DMD: variants seen among roughly 807,000 people sequenced by gnomAD.
DMD encodes the protein mutant dystrophin.
DMD carries 63 observed loss-of-function variants against 330.1 expected under a neutral mutation model. The ratio of observed to expected loss-of-function variants is 0.19; its 90% CI spans 0.16 to 0.24. The LOEUF (loss-of-function observed/expected upper bound fraction) is 0.24. Among genes scored for constraint, DMD ranks in the 10% least tolerant of loss-of-function variants. The pLI is 1.00. For synonymous variants in DMD, 1,223 were observed against 959.8 expected, an observed-to-expected ratio of 1.27 and a Z score of -5.07; for missense variants, 3,344 against 2,684.1, an observed-to-expected ratio of 1.25 and a Z score of -5.43.
intron 43 of DMD, among the ~76,000 whole-genome samples, chrX:32,265,378 G>A (rs2097340232): frequency 8.9e-6 from 1 of 112,674 alleles, no homozygotes; most frequent in South Asian, 3.6e-4. Context: ...GATTTCAGAG[G>A]ATATATGGAA....
intron 7 of DMD, among the ~76,000 whole-genome samples, chrX:32,781,746 G>A (rs188000344): frequency 9.0e-6 from 1 of 110,604 alleles, no homozygotes; most frequent in African/African-American, 3.3e-5. Flanking sequence ...ACATACATCC[G>A]CATACTAAGG....
At position 31,127,252 on chromosome X, in the gene DMD, G is replaced by GT. The variant is rs201518401; in HGVS notation, c.11015-580dup. Among the ~76,000 whole-genome samples the GT allele has an allele frequency of 7.7e-3, 861 of 112,136 alleles. 13 individuals are homozygous for GT. The highest frequency in any genetic ancestry group is 0.027 in the African/African-American group (823 of 30,918). Reference sequence around the variant, plus strand: ...CAGAAAGAACAGATGAGGGGAAGAGGTAAGTCCCAGTAATGGGCAAGCCAC... The same window carrying GT: ...CAGAAAGAACAGATGAGGGGAAGAGGTTAAGTCCCAGTAATGGGCAAGCCAC... On this transcript the variant is annotated intron_variant, in intron 77 of 78. Transcript: ENST00000357033.
chrX:32,412,282 G>C, intron 29 of DMD: 1 of 900,245 alleles, frequency 1.1e-6, no homozygotes, highest in South Asian at 2.1e-5. Flanking sequence ...GGTTTGCTTA[G>C]AATAGGGTCA....
chrX:32,494,060 A>G (rs1222133824), intron 19 of DMD, among the ~76,000 whole-genome samples: 2 of 111,764 alleles, frequency 1.8e-5, no homozygotes, highest in African/African-American at 6.5e-5. Context: ...AAATGAAACT[A>G]TAAGTTGATT....
At chrX:31,280,287 C>T in intron 62 of DMD, among the ~76,000 whole-genome samples, 1 of 112,048 alleles carries the variant, frequency 8.9e-6, no homozygotes, top group South Asian at 3.7e-4. Context: ...CAGTCTTATT[C>T]ATAATATCCT....
chrX:32,517,084 T>C (rs1201969134), intron 18 of DMD: 2 of 111,617 alleles, frequency 1.8e-5, no homozygotes, highest in Non-Finnish European at 3.8e-5. Flanking sequence ...AACATTAGCT[T>C]GTAACTGAGG....
chrX:32,646,829 A>C (rs891805343), intron 9 of DMD, among the ~76,000 whole-genome samples: 2 of 111,729 alleles, frequency 1.8e-5, no homozygotes, highest in Admixed American at 1.9e-4. Context: ...AGTTTCTATA[A>C]AAGTGGCAGA....
intron 1 of DMD, among the ~76,000 whole-genome samples, chrX:33,100,822 T>G (rs2095230731): frequency 8.9e-6 from 1 of 112,239 alleles, no homozygotes; most frequent in African/African-American, 3.2e-5. Flanking sequence ...ACTCCTGAAT[T>G]TGGATAGAAT....
chrX:32,887,548 G>C (rs1419647697), intron 2 of DMD, among the ~76,000 whole-genome samples: 2 of 105,943 alleles, frequency 1.9e-5, no homozygotes, highest in East Asian at 6.0e-4. Context: ...AGGGGTTTGA[G>C]ACCAGCCTGG....
chrX:31,415,332 C>T (rs1006523904), intron 60 of DMD, among the ~76,000 whole-genome samples: 10 of 112,351 alleles, frequency 8.9e-5, no homozygotes, highest in Non-Finnish European at 1.7e-4. Flanking sequence ...TTGCTCTGCA[C>T]GGATAGTATT....
chrX:33,211,606 A>G, upstream of DMD: 1 of 960,085 alleles, frequency 1.0e-6, no homozygotes, highest in South Asian at 2.9e-5. Context: ...GCGCACAAGC[A>G]AGTGACCCGC....
intron 47 of DMD, among the ~76,000 whole-genome samples, chrX:31,883,325 G>C (rs2094104472): frequency 9.0e-6 from 1 of 111,032 alleles, no homozygotes; most frequent in African/African-American, 3.3e-5. Context: ...CAGGGGAGAG[G>C]CTCATAACTG....
intron 44 of DMD, among the ~76,000 whole-genome samples, chrX:32,163,151 T>A (rs772109045): frequency 9.0e-6 from 1 of 111,648 alleles, no homozygotes; most frequent in Admixed American, 9.5e-5. Context: ...CTTATCCACC[T>A]TGGACTCATC....
chrX:32,644,857 C>T (rs2059685981), intron 10 of DMD, 107 bp downstream of exon 10: 2 of 985,982 alleles, frequency 2.0e-6, no homozygotes, highest in Non-Finnish European at 2.9e-6. Context: ...ATCATAGTAA[C>T]TAAATTTCCA....
At chrX:31,885,628 A>AAG (rs2094143222) in intron 47 of DMD, among the ~76,000 whole-genome samples, 3 of 75,712 alleles carry the variant, frequency 4.0e-5, no homozygotes, top group Non-Finnish European at 7.5e-5. Context: ...AAAAAAAAAA[A>AAG]AAAAAAAAAG....
chrX:32,963,336 A>G (rs1270686975), intron 2 of DMD, among the ~76,000 whole-genome samples: 1 of 111,942 alleles, frequency 8.9e-6, no homozygotes, highest in Non-Finnish European at 1.9e-5. Context: ...TATAACCTCA[A>G]TTGCAAGAGG....
intron 63 of DMD, among the ~76,000 whole-genome samples, chrX:31,239,361 T>C (rs1226565180): frequency 1.8e-5 from 2 of 111,995 alleles, no homozygotes; most frequent in Non-Finnish European, 3.8e-5. Flanking sequence ...ATTAAGAAAA[T>C]GAAATACATG....
At chrX:32,845,964 G>A (rs1225705139) in intron 3 of DMD, among the ~76,000 whole-genome samples, 1 of 111,439 alleles carries the variant, frequency 9.0e-6, no homozygotes, top group Non-Finnish European at 1.9e-5. Context: ...ACTCAAACAT[G>A]AAGCATGCTG....
chrX:33,074,614 T>C (rs1322793725), intron 1 of DMD, among the ~76,000 whole-genome samples: 3 of 110,527 alleles, frequency 2.7e-5, no homozygotes, highest in Non-Finnish European at 5.7e-5. Flanking sequence ...GATTAATGCA[T>C]TATCATGGGA....
Sources: allele counts gnomAD v4.1 joint callset (sites outside exome capture counted in the v4.1 genomes callset), GRCh38; gene constraint gnomAD v4.1.1; transcripts MANE v1.5; gene names NCBI Gene and HGNC (gene_info 2026-07-23, HGNC 2026-07-21).